The following ZNF124 variants were observed in gnomAD, a reference collection of about 807,000 sequenced individuals.
ZNF124 encodes the protein zinc finger protein HZF-16.
ZNF124 carries 25 observed loss-of-function variants against 26.6 expected under a neutral mutation model. The observed-to-expected ratio is 0.94, with a 90% CI of 0.68 to 1.31. ZNF124 has a LOEUF of 1.31. Among genes scored for constraint, ZNF124 ranks in the 40% most tolerant of loss-of-function variants. The probability of loss-of-function intolerance (pLI) is 0.00; values close to 1 mark genes in which losing one functional copy is unlikely to be tolerated. For missense variants in ZNF124, 444 were observed against 422.2 expected (o/e 1.05, Z -0.45); for synonymous variants, 129 against 133.3 (o/e 0.97, Z 0.22).
At chr1:247,153,900 T>C (rs1470301067), downstream of ZNF124, among the ~76,000 whole-genome samples, 5 of 152,156 alleles carry the variant, frequency 3.3e-5, no homozygotes, top group Non-Finnish European at 5.9e-5. Flanking sequence ...TAATATAAAG[T>C]GATTATTTCC....
intron 2 of ZNF124, 58 bp downstream of exon 2, chr1:247,159,629 A>G (rs1673356582): frequency 6.4e-7 from 1 of 1,569,988 alleles, no homozygotes; most frequent in East Asian, 2.3e-5. Context: ...AATGACATTG[A>G]AAACCATGAA....
intron 3 of ZNF124, among the ~76,000 whole-genome samples, chr1:247,124,780 TGTA>T (rs1429675217): frequency 9.2e-5 from 14 of 152,200 alleles, no homozygotes; most frequent in African/African-American, 2.9e-4. Flanking sequence ...TCATTCATGT[TGTA>T]GTATGTATCA....
downstream of ZNF124, among the ~76,000 whole-genome samples, chr1:247,151,371 C>G (rs368726170): frequency 7.3e-5 from 11 of 150,870 alleles, no homozygotes; most frequent in East Asian, 1.2e-3. Context: ...CCCAGCTACT[C>G]GGGAGGCTGA....
intron 3 of ZNF124, among the ~76,000 whole-genome samples, chr1:247,143,971 AG>A (rs1672695667): frequency 6.6e-6 from 1 of 152,184 alleles, no homozygotes; most frequent in African/African-American, 2.4e-5. Context: ...CATCACAGAG[AG>A]AGATAGAACA....
downstream of ZNF124, chr1:247,150,077 C>T (rs1672887565): frequency 6.6e-6 from 1 of 151,544 alleles, no homozygotes; most frequent in South Asian, 2.1e-4. Flanking sequence ...AAGGCCCCCA[C>T]CTGTTAACAC....
chr1:247,156,319 C>CT lies in ZNF124; in HGVS notation c.*246dup, dbSNP rs1479025729. On this transcript the variant is annotated 3_prime_UTR_variant, in exon 4 of 4. Coordinates refer to ENST00000543802, the MANE Select transcript of ZNF124 (RefSeq NM_001297568.2). ...AAATACCACTGGAACAACTGCAGGC[C>CT]TTACCACATTTTAAACATTCATATG... is the stretch of plus-strand genomic sequence containing the variant. The CT allele has an allele frequency of 3.3e-6, 4 of 1,203,918 alleles. No homozygotes were observed. The African/African-American group carries it at 6.3e-5, about 19-fold the overall frequency. 74.6% of individuals were successfully genotyped at this position (1,203,918 alleles called of 1,614,324 possible). A position where few individuals can be genotyped will look rare whatever the true frequency, so the allele number is the denominator to read the frequency against.
intron 3 of ZNF124, among the ~76,000 whole-genome samples, chr1:247,130,921 G>A (rs114892632): frequency 0.033 from 5,065 of 152,144 alleles, 289 homozygotes; most frequent in African/African-American, 0.11. Flanking sequence ...CTAAAGATAC[G>A]AAAAATTAGC....
At chr1:247,159,979 C>CTTTTTT (rs1212199135) in intron 1 of ZNF124, 166 bp from the exon 2 acceptor site, 86 of 147,724 alleles carry the variant, frequency 5.8e-4, no homozygotes, top group East Asian at 1.0e-3. Flanking sequence ...CATAGCAGTT[C>CTTTTTT]TTTTTTTTTT....
chr1:247,155,422 C>T lies in ZNF124; in HGVS notation c.*1144G>A, dbSNP rs1169188605. Among the ~76,000 whole-genome samples, 1 of 151,372 alleles carries T rather than the reference C, an allele frequency of 6.6e-6. No homozygotes were observed. Among genetic ancestry groups the T allele is most frequent in the African/African-American group, 2.4e-5 (1 of 41,198 alleles). On this transcript the variant is annotated 3_prime_UTR_variant, in exon 4 of 4. Transcript: ENST00000543802. ...AAAAATATTTTTTAAAATGGCTATG[C>T]AAGAAAAAAGGAAAAGAAATACATT...
chr1:247,136,112 T>C (rs967486613), intron 3 of ZNF124, among the ~76,000 whole-genome samples: 7 of 152,178 alleles, frequency 4.6e-5, no homozygotes, highest in Admixed American at 2.0e-4. Context: ...CTTTGGAAAC[T>C]GGTATAAGAC....
chr1:247,125,316 A>C (rs1341209187), intron 3 of ZNF124, among the ~76,000 whole-genome samples: 1 of 150,592 alleles, frequency 6.6e-6, no homozygotes, highest in Non-Finnish European at 1.5e-5. Context: ...TCTATGTTTG[A>C]ATTTTAGAGG....
intron 1 of ZNF124, among the ~76,000 whole-genome samples, chr1:247,169,550 C>A (rs1384683164): frequency 6.6e-6 from 1 of 152,100 alleles, no homozygotes; most frequent in African/African-American, 2.4e-5. Flanking sequence ...TGTCCTCCCA[C>A]CCCATCCTGC....
chr1:247,164,042 C>A lies in ZNF124; in HGVS notation c.31-4229G>T, dbSNP rs549058218. Among the ~76,000 whole-genome samples the A allele has an allele frequency of 5.3e-5, 8 of 151,972 alleles. No homozygotes were observed. The East Asian group carries it at 1.5e-3, about 29-fold the overall frequency. ...ATAAACAAAACTAAAAACAAAAAAA[C>A]AACATGATCATCTCAATAGATGCAA... On this transcript the variant is annotated intron_variant, in intron 1 of 3. Transcript: ENST00000543802.
At chr1:247,158,151 G>T (rs1673260119) in intron 3 of ZNF124, among the ~76,000 whole-genome samples, 1 of 152,158 alleles carries the variant, frequency 6.6e-6, no homozygotes, top group African/African-American at 2.4e-5. Context: ...TTGGGAGACT[G>T]AGTCCGGAGA....
intron 3 of ZNF124, chr1:247,138,406 G>A (rs1164082638): frequency 4.9e-6 from 1 of 202,986 alleles, no homozygotes; most frequent in Non-Finnish European, 9.6e-6. Context: ...TCATAAGTGA[G>A]AGCTGAACAT....
At chr1:247,171,003 G>T (rs564789873) in intron 1 of ZNF124, among the ~76,000 whole-genome samples, 139 of 63,840 alleles carry the variant, frequency 2.2e-3, no homozygotes, top group African/African-American at 0.012. Flanking sequence ...AAGTGATGAT[G>T]GTGCCCTGAG....
chr1:247,134,757 G>T (rs780260247), intron 3 of ZNF124, among the ~76,000 whole-genome samples: 1 of 152,188 alleles, frequency 6.6e-6, no homozygotes, highest in African/African-American at 2.4e-5. Context: ...TGACCTAGTA[G>T]ATGTCTAAAG....
intron 3 of ZNF124, among the ~76,000 whole-genome samples, chr1:247,141,071 G>A (rs1306564144): frequency 6.6e-6 from 1 of 152,100 alleles, no homozygotes; most frequent in Non-Finnish European, 1.5e-5. Flanking sequence ...CCACCCAAGA[G>A]GAGCCGGTTA....
At chr1:247,139,677 A>G (rs1672576371) in intron 3 of ZNF124, among the ~76,000 whole-genome samples, 1 of 152,186 alleles carries the variant, frequency 6.6e-6, no homozygotes, top group Non-Finnish European at 1.5e-5. Flanking sequence ...GATCTCTCAT[A>G]AGGCAGGTCT....
Sources: gnomAD v4.1 joint callset for allele counts (sites outside exome capture counted in the v4.1 genomes callset) on GRCh38, gnomAD v4.1.1 for gene constraint, MANE v1.5 for transcripts, NCBI Gene and HGNC (gene_info 2026-07-23, HGNC 2026-07-21) for gene names.